SRP72: variants seen among roughly 807,000 people sequenced by gnomAD.
The protein encoded by SRP72 is signal recognition particle 72.
A neutral mutation model predicts 96.3 loss-of-function variants in SRP72; 49 were observed. The observed-to-expected ratio is 0.51, with a 90% CI of 0.40 to 0.65. The LOEUF (loss-of-function observed/expected upper bound fraction) is 0.65. SRP72 is among the 30% of genes least tolerant of loss of function. The pLI, the probability that SRP72 is intolerant of heterozygous loss-of-function variation, is 0.00. For missense variants in SRP72, 736 were observed against 793.3 expected (o/e 0.93, Z 0.87); for synonymous variants, 267 against 275.2 (o/e 0.97, Z 0.30).
chr4:56,479,409 G>A (rs1272119662), intron 8 of SRP72, among the ~76,000 whole-genome samples: 1 of 151,810 alleles, frequency 6.6e-6, no homozygotes, highest in Non-Finnish European at 1.5e-5. Flanking sequence ...TCATTCTCCC[G>A]ACCTCGTGAT....
Position 56,502,497 on chromosome 4 carries a change from A to G in SRP72, c.*636A>G, listed in dbSNP as rs996823564. The stretch of plus-strand genomic sequence containing the variant: ...TATATATATATGTATATATATATAC[A>G]TATATATATATATATAAACATGAAA... On this transcript the variant is annotated 3_prime_UTR_variant, in exon 19 of 19. Transcript: ENST00000642900. The G allele has an allele frequency of 2.3e-4, 13 of 57,362 alleles. No individual in the cohort carries two copies. In the Admixed American group the frequency reaches 3.1e-3, roughly 13 times the overall value. 3.6% of individuals were successfully genotyped at this position (57,362 alleles called of 1,614,324 possible).
chr4:56,469,516 T>C, intron 1 of SRP72, 137 bp from the exon 2 acceptor site: 1 of 717,892 alleles, frequency 1.4e-6, no homozygotes, highest in Non-Finnish European at 2.1e-6. Context: ...TGCTGTTTCT[T>C]CCAGTTGTTC....
rs1560677869 is a variant in SRP72, at chr4:56,477,297, C to CTTTTTTTTTTTTTTTTT, written c.642+596_642+597insTTTTTTTTTTTTTTTTT. Reference sequence around the variant, plus strand: ...CACATTCATAGTTCTCTCTCTCTCTCTCTCTTTTTTTTTTTTTTTTTTTTT... The same window carrying CTTTTTTTTTTTTTTTTT: ...CACATTCATAGTTCTCTCTCTCTCTCTTTTTTTTTTTTTTTTTTCTCTTTTTTTTTTTTTTTTTTTTT... On this transcript the variant is annotated intron_variant, in intron 6 of 18. Coordinates refer to ENST00000642900, the MANE Select transcript of SRP72 (RefSeq NM_006947.4). The CTTTTTTTTTTTTTTTTT allele has an allele frequency of 5.0e-4, 57 of 114,800 alleles. 1 individual carries two copies. The highest frequency in any genetic ancestry group is 6.0e-4 in the Non-Finnish European group (35 of 57,886). The allele number at this position is 114,800 out of a possible 1,614,324, so 7.1% of individuals were successfully genotyped here.
intron 17 of SRP72, among the ~76,000 whole-genome samples, chr4:56,497,494 C>T (rs1365220070): frequency 1.3e-5 from 2 of 152,146 alleles, no homozygotes; most frequent in East Asian, 1.9e-4. Flanking sequence ...GCTGGGATTA[C>T]AGGCGTGAGC....
chr4:56,469,026 A>T (rs1324619928), intron 1 of SRP72, among the ~76,000 whole-genome samples: 1 of 152,206 alleles, frequency 6.6e-6, no homozygotes, highest in Non-Finnish European at 1.5e-5. Flanking sequence ...TGGTCATCTT[A>T]GTTGAAAAGG....
chr4:56,491,851 C>A (rs1388940791), intron 16 of SRP72, among the ~76,000 whole-genome samples: 2 of 151,858 alleles, frequency 1.3e-5, no homozygotes, highest in Admixed American at 1.3e-4. Context: ...TTATTTATTA[C>A]TATTTTTTTT....
intron 1 of SRP72, 93 bp from the exon 2 acceptor site, chr4:56,469,560 A>G (rs1719880402): frequency 1.6e-6 from 2 of 1,261,678 alleles, no homozygotes; most frequent in Admixed American, 4.5e-5. Flanking sequence ...AAAAGTAGAA[A>G]TTTAGCTTTC....
In SRP72 at chr4:56,500,691, G is replaced by T; in HGVS notation, c.1834G>T (p.Glu612Ter). The change falls in exon 18 of 19, where the codon GAA becomes TAA. Residue 612 changes from glutamate to a stop codon, truncating the protein, a stop_gained. Coordinates refer to ENST00000642900, the MANE Select transcript of SRP72 (RefSeq NM_006947.4). LOFTEE classifies it high-confidence loss of function. ...TQGATAGASS[E>*]LDASKTVSSP... ...GGGAGCAACTGCAGGAGCTTCATCT[G>T]AACTGTAAGTTATTGCTCCACAATT... The T allele has an allele frequency of 6.2e-7, 1 of 1,612,662 alleles. No individual in the cohort carries two copies. The highest frequency in any genetic ancestry group is 8.5e-7 in the Non-Finnish European group (1 of 1,179,366).
At chr4:56,475,450 A>G (rs1720171945) in intron 5 of SRP72, among the ~76,000 whole-genome samples, 1 of 151,044 alleles carries the variant, frequency 6.6e-6, no homozygotes, top group South Asian at 2.1e-4. Flanking sequence ...ATTCCCAGCT[A>G]CTCTGGTGGC....
At chr4:56,485,122 C>T (rs1317635623) in intron 10 of SRP72, among the ~76,000 whole-genome samples, 7 of 152,030 alleles carry the variant, frequency 4.6e-5, no homozygotes, top group Admixed American at 2.6e-4. Context: ...ATCTGTTTAA[C>T]CTGAGTTAGG....
intron 11 of SRP72, among the ~76,000 whole-genome samples, chr4:56,486,838 A>G (rs1720728449): frequency 6.6e-6 from 1 of 152,180 alleles, no homozygotes; most frequent in Admixed American, 6.5e-5. Context: ...GGCTTGGGGA[A>G]AGGTAATAGA....
At chr4:56,499,535 A>G (rs941275117) in intron 17 of SRP72, among the ~76,000 whole-genome samples, 3 of 152,024 alleles carry the variant, frequency 2.0e-5, no homozygotes, top group African/African-American at 7.3e-5. Flanking sequence ...ACAAGAAAAA[A>G]CCCCATCAAA....
At chr4:56,485,995 C>T (rs1243314031) in intron 10 of SRP72, among the ~76,000 whole-genome samples, 2 of 152,026 alleles carry the variant, frequency 1.3e-5, no homozygotes, top group African/African-American at 2.4e-5. Context: ...TACGCAAATA[C>T]TATACTTTTA....
chr4:56,499,285 A>T (rs1292900994), intron 17 of SRP72, among the ~76,000 whole-genome samples: 1 of 152,198 alleles, frequency 6.6e-6, no homozygotes, highest in Non-Finnish European at 1.5e-5. Context: ...CCTAGAAGAA[A>T]ACCTAGGCAA....
chr4:56,489,435 T>G lies in SRP72; in HGVS notation c.1272T>G (p.Ser424Arg), dbSNP rs1332186896. 6.2e-7 allele frequency: 1 copy of G among 1,603,226 alleles called. No individual in the cohort carries two copies. The highest frequency in any genetic ancestry group is 8.5e-7 in the Non-Finnish European group (1 of 1,172,676). Reference protein sequence around the residue: ...TMYSHEEDIDSAIEVFTQAIQ... With the variant: ...TMYSHEEDIDRAIEVFTQAIQ... ...ATAGCCATGAAGAAGATATTGATAG[T>G]GCCATTGAGGTCTTCACACAAGCTA... The change falls in exon 13 of 19, where the codon AGT becomes AGG. Residue 424 changes from serine to arginine, a missense_variant. Physicochemically the swap from Ser to Arg is moderately radical, Grantham distance 110. Transcript: ENST00000642900.
chr4:56,477,416 C>T (rs907595743), intron 6 of SRP72, among the ~76,000 whole-genome samples: 12 of 150,204 alleles, frequency 8.0e-5, no homozygotes, highest in African/African-American at 2.7e-4. Context: ...GCAATCCTCT[C>T]ACCACAGCCT....
chr4:56,485,749 C>T (rs551435697), intron 10 of SRP72, among the ~76,000 whole-genome samples: 6 of 152,022 alleles, frequency 3.9e-5, no homozygotes, highest in African/African-American at 9.6e-5. Context: ...TGCAGTGAGC[C>T]GAGATCACGC....
intron 8 of SRP72, among the ~76,000 whole-genome samples, chr4:56,480,243 A>G (rs1720428950): frequency 6.6e-6 from 1 of 152,102 alleles, no homozygotes; most frequent in Non-Finnish European, 1.5e-5. Context: ...ATGTTTATGA[A>G]TTTTGAAATG....
At chr4:56,489,580 C>G in intron 13 of SRP72, 97 bp downstream of exon 13, 1 of 585,154 alleles carries the variant, frequency 1.7e-6, no homozygotes. Context: ...TTACACGTCA[C>G]TATTTTAAAA....
Sources: allele counts gnomAD v4.1 joint callset (sites outside exome capture counted in the v4.1 genomes callset), GRCh38; gene constraint gnomAD v4.1.1; transcripts MANE v1.5; gene names NCBI Gene and HGNC (gene_info 2026-07-23, HGNC 2026-07-21).